Variants in INSR observed in about 807,000 individuals in gnomAD.
The protein encoded by INSR is IR.
In INSR, 67 loss-of-function variants were observed where a neutral mutation model predicts 142.6. The observed-to-expected ratio is 0.47, with a 90% confidence interval of 0.39 to 0.58. The LOEUF is 0.58. INSR is among the 20% of genes least tolerant of loss of function. INSR has a pLI of 0.00. For synonymous variants in INSR, 756 were observed against 743.1 expected (o/e 1.02, Z -0.28); for missense variants, 1,248 against 1,833.2 (o/e 0.68, Z 5.83).
intron 2 of INSR, among the ~76,000 whole-genome samples, chr19:7,207,195 C>T (rs1975127256): frequency 6.6e-6 from 1 of 152,018 alleles, no homozygotes. Flanking sequence ...GCAAGCAGAT[C>T]ACCTGAGGTC....
At position 7,128,284 on chromosome 19, in the gene INSR, C is replaced by G. The variant is rs1248217581; in HGVS notation, c.2945+568G>C. 5.3e-5 allele frequency among the ~76,000 whole-genome samples: 8 copies of G among 151,662 alleles called. 1 individual carries two copies. The South Asian group carries it at 1.2e-3, about 24-fold the overall frequency. ...CTAGAATGCAATGGTGCGATTTCAG[C>G]TCACTGCAACCTCCGCCACCAGGGT... is the stretch of plus-strand genomic sequence containing the variant. On this transcript the variant is annotated intron_variant, in intron 15 of 21. Transcript: ENST00000302850.
In INSR at chr19:7,294,051, G is replaced by C; in HGVS notation, c.-160C>G. On this transcript the variant is annotated 5_prime_UTR_variant, in exon 1 of 22. Transcript: ENST00000302850. ...CAGCCCCCCTGCCGGGGAGGGCCCA[G>C]AGGCAGCCCCGGGAAGGGCGCGCGC... 2.6e-6 allele frequency: 2 copies of C among 767,520 alleles called. No individual in the cohort carries two copies. The highest frequency in any genetic ancestry group is 3.3e-6 in the Non-Finnish European group (2 of 604,484). 47.5% of individuals were successfully genotyped at this position (767,520 alleles called of 1,614,324 possible).
chr19:7,254,323 C>G (rs1329403496), intron 2 of INSR, among the ~76,000 whole-genome samples: 1 of 151,896 alleles, frequency 6.6e-6, no homozygotes, highest in Non-Finnish European at 1.5e-5. Context: ...TGTGAGCTGC[C>G]TGGGAAACAT....
chr19:7,135,735 C>T (rs1250584576), intron 13 of INSR, among the ~76,000 whole-genome samples: 1 of 151,932 alleles, frequency 6.6e-6, no homozygotes, highest in Non-Finnish European at 1.5e-5. Flanking sequence ...CTTTGGAAGG[C>T]CGAGGCGGGC....
At chr19:7,248,920 C>T (rs1227077089) in intron 2 of INSR, among the ~76,000 whole-genome samples, 1 of 151,800 alleles carries the variant, frequency 6.6e-6, no homozygotes, top group Non-Finnish European at 1.5e-5. Context: ...CCACCACGCC[C>T]AGCTAATTAA....
chr19:7,219,670 AG>A (rs1318770455), intron 2 of INSR, among the ~76,000 whole-genome samples: 1 of 151,842 alleles, frequency 6.6e-6, no homozygotes, highest in African/African-American at 2.4e-5. Flanking sequence ...GAGGGAAGGA[AG>A]GGAAAGAAAG....
At chr19:7,118,054 G>A (rs1390708313) in intron 21 of INSR, among the ~76,000 whole-genome samples, 1 of 151,782 alleles carries the variant, frequency 6.6e-6, no homozygotes, top group Non-Finnish European at 1.5e-5. Flanking sequence ...TTCCAGGCAT[G>A]AGCCATCCTG....
intron 2 of INSR, among the ~76,000 whole-genome samples, chr19:7,210,115 C>T (rs941847988): frequency 2.0e-5 from 3 of 151,760 alleles, no homozygotes; most frequent in Admixed American, 6.6e-5. Context: ...GAGGCCGAGG[C>T]GGGTGGATCA....
intron 9 of INSR, among the ~76,000 whole-genome samples, chr19:7,153,199 A>ACACACAC (rs1387974511): frequency 4.2e-5 from 1 of 24,026 alleles, no homozygotes; most frequent in African/African-American, 7.1e-5. Flanking sequence ...CACACACACC[A>ACACACAC]CACACACCAC....
At chr19:7,202,038 C>T (rs4273151) in intron 2 of INSR, among the ~76,000 whole-genome samples, 37,575 of 152,042 alleles carry the variant, frequency 0.25, 5,558 homozygotes, top group East Asian at 0.45. Context: ...TGATTCCTCC[C>T]TCTAAAACAG....
chr19:7,221,656 C>CGAGATCA (rs1235985519), intron 2 of INSR, among the ~76,000 whole-genome samples: 1 of 150,412 alleles, frequency 6.6e-6, no homozygotes, highest in Non-Finnish European at 1.5e-5. Context: ...TGCAGTGAGC[C>CGAGATCA]GAGATCACAC....
intron 3 of INSR, among the ~76,000 whole-genome samples, chr19:7,178,246 G>T (rs557380378): frequency 2.1e-4 from 27 of 126,564 alleles, no homozygotes; most frequent in Admixed American, 5.4e-4. Context: ...TGACTTGTGG[G>T]GGGGGGGGTG....
rs1599978083 is a variant in INSR at position 7,192,696 on chromosome 19, A to G, written c.653-8059T>C. 6.6e-6 allele frequency among the ~76,000 whole-genome samples: 1 copy of G among 151,520 alleles called. No individual in the cohort carries two copies. The highest frequency in any genetic ancestry group is 6.6e-5 in the Admixed American group (1 of 15,188). ...GTGTATGTAGGGAACATCTACCCAG[A>G]CCTCCCCTCTCCAAAAATGCAAGTT... is the stretch of plus-strand genomic sequence containing the variant. On this transcript the variant is annotated intron_variant, in intron 2 of 21. Coordinates refer to ENST00000302850, the MANE Select transcript of INSR (RefSeq NM_000208.4). The surrounding 1 kb of genome is among the most constrained non-coding windows in gnomAD (Gnocchi z 4.2).
At chr19:7,146,330 C>T (rs1973187971) in intron 11 of INSR, among the ~76,000 whole-genome samples, 1 of 150,932 alleles carries the variant, frequency 6.6e-6, no homozygotes, top group African/African-American at 2.5e-5. Context: ...CAACCTCTGC[C>T]TCCCAGGTTC....
intron 1 of INSR, among the ~76,000 whole-genome samples, chr19:7,273,743 C>G (rs1022069922): frequency 6.6e-5 from 10 of 151,920 alleles, no homozygotes; most frequent in East Asian, 3.9e-4. Flanking sequence ...GTCTCGAACT[C>G]TGACCTCAGG....
intron 11 of INSR, among the ~76,000 whole-genome samples, chr19:7,145,104 C>T (rs1973159222): frequency 6.6e-6 from 1 of 151,960 alleles, no homozygotes; most frequent in African/African-American, 2.4e-5. Context: ...GAATTGTCCC[C>T]TCCTTGTCTT....
chr19:7,129,420 G>A (rs1384483634), intron 14 of INSR, among the ~76,000 whole-genome samples: 5 of 152,152 alleles, frequency 3.3e-5, no homozygotes, highest in African/African-American at 1.2e-4. Context: ...CTCCTTTCGG[G>A]TTCAAGTGAT....
At chr19:7,261,516 A>G (rs1022905450) in intron 2 of INSR, among the ~76,000 whole-genome samples, 1 of 151,626 alleles carries the variant, frequency 6.6e-6, no homozygotes, top group Non-Finnish European at 1.5e-5. Flanking sequence ...TTTTTCTTTT[A>G]ATTCCCCTAA....
chr19:7,157,919 G>A (rs1973638974), intron 9 of INSR, among the ~76,000 whole-genome samples: 1 of 151,654 alleles, frequency 6.6e-6, no homozygotes, highest in Admixed American at 6.6e-5. Context: ...TGAGAGACTG[G>A]AAAATACTTC....
Sources: gnomAD v4.1 joint callset for allele counts (sites outside exome capture counted in the v4.1 genomes callset) on GRCh38, gnomAD v4.1.1 for gene constraint, Gnocchi (gnomAD v3.1) non-coding constraint, MANE v1.5 for transcripts, NCBI Gene and HGNC (gene_info 2026-07-23, HGNC 2026-07-21) for gene names.